Variants in CDC42BPA observed in about 807,000 individuals in gnomAD.
The protein encoded by CDC42BPA is CDC42 binding protein kinase alpha, also known as serine/threonine-protein kinase MRCK alpha.
In CDC42BPA, 80 loss-of-function variants were observed where a neutral mutation model predicts 223.5. That is an observed-to-expected ratio of 0.36 (90% CI 0.30 to 0.43). The LOEUF is 0.43. Among genes scored for constraint, CDC42BPA ranks in the 20% least tolerant of loss-of-function variants. The pLI is 1.00. For missense variants in CDC42BPA, 1,743 were observed against 2,099.9 expected, an observed-to-expected ratio of 0.83 and a Z score of 3.32; for synonymous variants, 694 against 718.6, an observed-to-expected ratio of 0.97 and a Z score of 0.55.
At position 227,194,003 on chromosome 1, in the gene CDC42BPA, A is replaced by G. The variant is rs1337535247; in HGVS notation, c.451-69T>C. 23 of 1,074,088 alleles carry G rather than the reference A, an allele frequency of 2.1e-5. No homozygotes were observed. The South Asian group carries it at 2.9e-4, about 13-fold the overall frequency. The allele number at this position is 1,074,088 out of a possible 1,614,324, so 66.5% of individuals were successfully genotyped here. ...GTGAAAAATCAATATACTGTATCCC[A>G]AGGTCAACAGGACTGGGTCAAATAT... On this transcript the variant is annotated intron_variant, in intron 4 of 36. Coordinates refer to ENST00000366766, the MANE Select transcript of CDC42BPA (RefSeq NM_001394014.1).
intron 21 of CDC42BPA, among the ~76,000 whole-genome samples, chr1:227,059,883 T>C (rs1004964871): frequency 5.9e-5 from 9 of 151,988 alleles, no homozygotes; most frequent in African/African-American, 1.9e-4. Context: ...GAATTAATGA[T>C]AATAAATTAA....
intron 23 of CDC42BPA, among the ~76,000 whole-genome samples, chr1:227,042,552 A>C (rs1314391597): frequency 6.6e-6 from 1 of 152,222 alleles, no homozygotes; most frequent in East Asian, 1.9e-4. Context: ...ATAATTAAAG[A>C]TCGTTATTCT....
intron 32 of CDC42BPA, 74 bp downstream of exon 32, chr1:227,023,189 T>C: frequency 1.4e-6 from 1 of 723,476 alleles, no homozygotes; most frequent in Non-Finnish European, 2.3e-6. Context: ...TTATTATTAA[T>C]GTGACCTTGG....
chr1:227,313,404 G>A (rs924672359), intron 1 of CDC42BPA, among the ~76,000 whole-genome samples: 3 of 152,024 alleles, frequency 2.0e-5, no homozygotes, highest in South Asian at 2.1e-4. Flanking sequence ...GAGACAAACA[G>A]AAATGTTATA....
At chr1:227,085,734 C>T (rs1558463867) in intron 16 of CDC42BPA, among the ~76,000 whole-genome samples, 1 of 152,238 alleles carries the variant, frequency 6.6e-6, no homozygotes, top group Non-Finnish European at 1.5e-5. Context: ...TGCTGGCACA[C>T]ACTGATTTGC....
At chr1:227,026,954 C>G (rs1668368917) in intron 30 of CDC42BPA, among the ~76,000 whole-genome samples, 1 of 152,036 alleles carries the variant, frequency 6.6e-6, no homozygotes, top group Non-Finnish European at 1.5e-5. Flanking sequence ...CTACACCTGG[C>G]TAATTAAAGA....
At chr1:227,272,746 G>A (rs1686165756) in intron 1 of CDC42BPA, among the ~76,000 whole-genome samples, 1 of 152,056 alleles carries the variant, frequency 6.6e-6, no homozygotes. Context: ...TAAATTATAA[G>A]TTGATTTTAA....
chr1:227,292,759 C>T (rs1293447507), intron 1 of CDC42BPA, among the ~76,000 whole-genome samples: 2 of 152,144 alleles, frequency 1.3e-5, no homozygotes, highest in African/African-American at 4.8e-5. Context: ...CACAACTATA[C>T]AATAGCTAGC....
chr1:227,297,340 T>C (rs1409606028), intron 1 of CDC42BPA, among the ~76,000 whole-genome samples: 1 of 152,194 alleles, frequency 6.6e-6, no homozygotes. Flanking sequence ...CTGGTGGGAA[T>C]GTATGACGGT....
intron 1 of CDC42BPA, among the ~76,000 whole-genome samples, chr1:227,311,534 T>C (rs1693540099): frequency 6.6e-6 from 1 of 152,144 alleles, no homozygotes; most frequent in South Asian, 2.1e-4. Flanking sequence ...CCTTTGTTTA[T>C]AGGTCATATG....
At chr1:227,000,663 C>T (rs1330770583) in intron 35 of CDC42BPA, among the ~76,000 whole-genome samples, 3 of 152,172 alleles carry the variant, frequency 2.0e-5, no homozygotes, top group East Asian at 1.9e-4. Context: ...TGCTTCTGGT[C>T]TTTTCACTGC....
chr1:227,289,485 ACT>A (rs1226413457), intron 1 of CDC42BPA, among the ~76,000 whole-genome samples: 2 of 151,664 alleles, frequency 1.3e-5, no homozygotes, highest in African/African-American at 4.8e-5. Context: ...CACCCAAAAC[ACT>A]CTGTCACAGC....
At chr1:227,107,485 A>G (rs894328904) in intron 14 of CDC42BPA, among the ~76,000 whole-genome samples, 13 of 152,274 alleles carry the variant, frequency 8.5e-5, no homozygotes, top group African/African-American at 2.2e-4. Flanking sequence ...CAGTGGCCCA[A>G]TCATGGCTCA....
chr1:227,170,532 G>A (rs2149919670), intron 5 of CDC42BPA, among the ~76,000 whole-genome samples: 1 of 152,208 alleles, frequency 6.6e-6, no homozygotes, highest in East Asian at 1.9e-4. Flanking sequence ...GGTGGACAGA[G>A]ATGTATTATC....
In CDC42BPA at chr1:227,256,938, T is replaced by TAC. The variant is rs1442280387; in HGVS notation, c.179-2784_179-2783insGT. Among the ~76,000 whole-genome samples, 1,168 of 120,032 alleles carry TAC rather than the reference T, an allele frequency of 9.7e-3. 18 individuals carry two copies. The highest frequency in any genetic ancestry group is 0.029 in the African/African-American group (937 of 32,164). 78.7% of individuals were successfully genotyped at this position (120,032 alleles called of 152,430 possible). ...ATGAACAGATAAACAAAATGTGATATATATATACAGACACACACACACACA... is the reference window on the plus strand; with the variant it reads ...ATGAACAGATAAACAAAATGTGATATACATATATACAGACACACACACACACA... On this transcript the variant is annotated intron_variant, in intron 1 of 36. Coordinates refer to ENST00000366766, the MANE Select transcript of CDC42BPA (RefSeq NM_001394014.1).
At chr1:227,229,369 A>G (rs1572500099) in intron 2 of CDC42BPA, among the ~76,000 whole-genome samples, 1 of 152,200 alleles carries the variant, frequency 6.6e-6, no homozygotes, top group Non-Finnish European at 1.5e-5. Flanking sequence ...CTTGATTTAT[A>G]TATGAGCCTT....
chr1:227,208,942 T>C (rs1363148910), intron 3 of CDC42BPA, among the ~76,000 whole-genome samples: 3 of 152,152 alleles, frequency 2.0e-5, no homozygotes, highest in Non-Finnish European at 2.9e-5. Flanking sequence ...TAAATTACCA[T>C]GGGCAGTATG....
chr1:227,220,491 C>G (rs1675704699), intron 2 of CDC42BPA, among the ~76,000 whole-genome samples: 1 of 151,704 alleles, frequency 6.6e-6, no homozygotes, highest in South Asian at 2.1e-4. Flanking sequence ...GCAGTCCTAA[C>G]ATTAATTCTA....
chr1:227,060,807 T>C (rs1675764384), intron 21 of CDC42BPA, among the ~76,000 whole-genome samples: 1 of 142,394 alleles, frequency 7.0e-6, no homozygotes, highest in African/African-American at 2.6e-5. Flanking sequence ...CTGCAACCTC[T>C]ACCTCCCAGG....
Sources: allele counts gnomAD v4.1 joint callset (sites outside exome capture counted in the v4.1 genomes callset), GRCh38; gene constraint gnomAD v4.1.1; transcripts MANE v1.5; gene names NCBI Gene and HGNC (gene_info 2026-07-23, HGNC 2026-07-21).